The following SKAP2 variants were observed in gnomAD, a reference collection of about 807,000 sequenced individuals.
The protein encoded by SKAP2 is src kinase associated phosphoprotein 2, also known as src kinase-associated phosphoprotein 2.
Under a neutral mutation model 54.9 loss-of-function variants are expected in SKAP2, and 28 were observed. The observed-to-expected ratio is 0.51, with a 90% CI of 0.38 to 0.70. SKAP2 has a LOEUF of 0.70. Among genes scored for constraint, SKAP2 ranks in the 30% least tolerant of loss-of-function variants. The probability of loss-of-function intolerance (pLI) is 0.00; values close to 1 mark genes in which losing one functional copy is unlikely to be tolerated. For synonymous variants in SKAP2, 137 were observed against 134.3 expected, an observed-to-expected ratio of 1.02 and a Z score of -0.14; for missense variants, 356 against 424.1, an observed-to-expected ratio of 0.84 and a Z score of 1.41.
At chr7:26,842,689 T>C (rs1195445751) in intron 4 of SKAP2, among the ~76,000 whole-genome samples, 3 of 151,884 alleles carry the variant, frequency 2.0e-5, no homozygotes, top group Admixed American at 2.0e-4. Flanking sequence ...AATAAAGCAA[T>C]TGTAATGTGT....
rs1129771 is a variant in SKAP2 at position 26,725,977 on chromosome 7, C to A, written c.604G>T (p.Ala202Ser). 0.087 allele frequency: 139,387 copies of A among 1,603,584 alleles called. 7,726 individuals carry two copies. Among genetic ancestry groups the A allele is most frequent in the African/African-American group, 0.25 (18,558 of 74,542 alleles). ...PDKRIYQFTAASPKDAEEWVQ... is the reference protein window; with the variant it reads ...PDKRIYQFTASSPKDAEEWVQ... Reference sequence around the variant, plus strand: ...CATTCTTCAGCATCTTTGGGAGAAGCTGCTGTAAACTAATATAAAACAAAC... The same window carrying A: ...CATTCTTCAGCATCTTTGGGAGAAGATGCTGTAAACTAATATAAAACAAAC... The change falls in exon 8 of 13, where the codon GCT becomes TCT. Residue 202 changes from alanine to serine, a missense_variant. By Grantham distance (99) the Ala-to-Ser change is moderately conservative (BLOSUM62 1). Transcript: ENST00000345317.
chr7:26,845,959 G>A (rs930847891), intron 3 of SKAP2, among the ~76,000 whole-genome samples: 2 of 152,044 alleles, frequency 1.3e-5, no homozygotes, highest in Non-Finnish European at 2.9e-5. Flanking sequence ...AACAAAAGAA[G>A]AGTGCTCTGA....
chr7:26,819,570 T>TAA (rs758990728), intron 4 of SKAP2, among the ~76,000 whole-genome samples: 1 of 89,574 alleles, frequency 1.1e-5, no homozygotes, highest in African/African-American at 3.8e-5. Flanking sequence ...AAAGTATACT[T>TAA]AAAAAAAAAA....
At chr7:26,809,300 CA>C (rs1159950271) in intron 4 of SKAP2, among the ~76,000 whole-genome samples, 7 of 151,862 alleles carry the variant, frequency 4.6e-5, no homozygotes, top group African/African-American at 1.7e-4. Context: ...TGTAATCCCG[CA>C]ACTTGGGAGG....
intron 4 of SKAP2, among the ~76,000 whole-genome samples, chr7:26,758,466 T>C (rs1459163421): frequency 6.6e-6 from 1 of 152,124 alleles, no homozygotes; most frequent in Non-Finnish European, 1.5e-5. Context: ...AAGGTACTAC[T>C]TTGAGAATGT....
At chr7:26,750,300 C>T (rs1265800696) in intron 4 of SKAP2, among the ~76,000 whole-genome samples, 1 of 145,258 alleles carries the variant, frequency 6.9e-6, no homozygotes, top group African/African-American at 2.6e-5. Flanking sequence ...ATAGATATAC[C>T]TAATATACCA....
At chr7:26,698,639 A>G (rs1399406231) in intron 9 of SKAP2, among the ~76,000 whole-genome samples, 1 of 152,246 alleles carries the variant, frequency 6.6e-6, no homozygotes, top group Non-Finnish European at 1.5e-5. Context: ...TTTCTGCTAC[A>G]CCACCAGATG....
At position 26,713,478 on chromosome 7, in the gene SKAP2, T is replaced by C. The variant is rs144305903; in HGVS notation, c.796+11950A>G. On this transcript the variant is annotated intron_variant, in intron 9 of 12. Coordinates refer to ENST00000345317, the MANE Select transcript of SKAP2 (RefSeq NM_003930.5). ...GACATGAGGAGAAGGTAAGACAAGA[T>C]AAAAACAAAAAGCTTCAGTATTAGG... is the stretch of plus-strand genomic sequence containing the variant. Among the ~76,000 whole-genome samples the C allele has an allele frequency of 4.8e-3, 734 of 151,838 alleles. 6 individuals carry two copies. The highest frequency in any genetic ancestry group is 0.017 in the African/African-American group (694 of 41,430).
chr7:26,698,184 C>T (rs910619249), intron 9 of SKAP2, among the ~76,000 whole-genome samples: 3 of 152,086 alleles, frequency 2.0e-5, no homozygotes, highest in African/African-American at 7.2e-5. Context: ...GCAAATATAC[C>T]CTTTCTCATC....
intron 4 of SKAP2, among the ~76,000 whole-genome samples, chr7:26,840,862 C>T (rs1261118396): frequency 6.6e-6 from 1 of 152,006 alleles, no homozygotes; most frequent in East Asian, 1.9e-4. Flanking sequence ...AGGTATTTGG[C>T]ATGTCATTCT....
chr7:26,767,836 T>C (rs1366833656), intron 4 of SKAP2, among the ~76,000 whole-genome samples: 1 of 152,242 alleles, frequency 6.6e-6, no homozygotes, highest in Non-Finnish European at 1.5e-5. Flanking sequence ...TGGTTTATTA[T>C]GATTTCTGTT....
At chr7:26,835,931 G>A (rs1784699665) in intron 4 of SKAP2, among the ~76,000 whole-genome samples, 1 of 152,108 alleles carries the variant, frequency 6.6e-6, no homozygotes, top group South Asian at 2.1e-4. Flanking sequence ...CACGCTATCT[G>A]ACTTCAAACT....
At chr7:26,739,838 T>C in intron 5 of SKAP2, 49 bp downstream of exon 5, 1 of 1,313,976 alleles carries the variant, frequency 7.6e-7, no homozygotes, top group South Asian at 1.2e-5. Flanking sequence ...ACATGTTCTA[T>C]CTAAGGATGA....
At chr7:26,756,674 T>C (rs1354926729) in intron 4 of SKAP2, among the ~76,000 whole-genome samples, 1 of 152,226 alleles carries the variant, frequency 6.6e-6, no homozygotes, top group Non-Finnish European at 1.5e-5. Flanking sequence ...GCATGATTTA[T>C]AATCCTTTGG....
At chr7:26,760,770 CA>C (rs759657225) in intron 4 of SKAP2, among the ~76,000 whole-genome samples, 5 of 152,070 alleles carry the variant, frequency 3.3e-5, no homozygotes, top group Non-Finnish European at 7.4e-5. Context: ...GAATATCAAC[CA>C]AGCGATTACA....
intron 11 of SKAP2, among the ~76,000 whole-genome samples, chr7:26,676,654 CATCT>C (rs1469393911): frequency 1.3e-5 from 2 of 152,118 alleles, no homozygotes; most frequent in African/African-American, 4.8e-5. Context: ...GCATAGTAAA[CATCT>C]ATCTGCCATA....
intron 4 of SKAP2, among the ~76,000 whole-genome samples, chr7:26,809,407 T>C (rs1415182274): frequency 3.3e-5 from 5 of 149,904 alleles, no homozygotes; most frequent in Non-Finnish European, 5.9e-5. Context: ...GAGCAAAACT[T>C]CGTTTCACAA....
rs767418751 is a variant in SKAP2 at position 26,684,896 on chromosome 7, C to T, written c.875-48G>A. 4 of 1,047,570 alleles carry T rather than the reference C, an allele frequency of 3.8e-6. 1 individual carries two copies. The South Asian group carries it at 5.3e-5, about 14-fold the overall frequency. The allele number at this position is 1,047,570 out of a possible 1,614,324, so 64.9% of individuals were successfully genotyped here. On this transcript the variant is annotated intron_variant, in intron 10 of 12. Coordinates refer to ENST00000345317, the MANE Select transcript of SKAP2 (RefSeq NM_003930.5). ...ATGAATTAGGGCCTTCATGTAATAA[C>T]CCCTCATTTCAAAATTAACCAGTAG...
chr7:26,828,458 AC>A (rs1784537860), intron 4 of SKAP2, among the ~76,000 whole-genome samples: 2 of 151,956 alleles, frequency 1.3e-5, no homozygotes, highest in Middle Eastern at 3.4e-3. Context: ...CAGGCAGATC[AC>A]CAGGTCAGGA....
Sources: gnomAD v4.1 joint callset for allele counts (sites outside exome capture counted in the v4.1 genomes callset) on GRCh38, gnomAD v4.1.1 for gene constraint, MANE v1.5 for transcripts, NCBI Gene and HGNC (gene_info 2026-07-23, HGNC 2026-07-21) for gene names.